The following CSMD1 variants were observed in gnomAD, a reference collection of about 807,000 sequenced individuals.
The protein encoded by CSMD1 is CUB and sushi domain-containing protein 1.
In CSMD1, 213 loss-of-function variants were observed where a neutral mutation model predicts 417.5. The observed-to-expected ratio is 0.51, with a 90% CI of 0.46 to 0.57. The LOEUF is 0.57. Among genes scored for constraint, CSMD1 ranks in the 20% least tolerant of loss-of-function variants. The probability of loss-of-function intolerance (pLI) is 0.00; values close to 1 mark genes in which losing one functional copy is unlikely to be tolerated. For synonymous variants in CSMD1, 2,862 were observed against 1,736.8 expected, an observed-to-expected ratio of 1.65 and a Z score of -16.11; for missense variants, 6,923 against 4,529.7, an observed-to-expected ratio of 1.53 and a Z score of -15.17.
At chr8:3,489,307 C>T (rs903036101) in intron 11 of CSMD1, among the ~76,000 whole-genome samples, 1 of 152,162 alleles carries the variant, frequency 6.6e-6, no homozygotes, top group Non-Finnish European at 1.5e-5. Flanking sequence ...GCAGAGGCTA[C>T]CCTACTTGCT....
In CSMD1 at chr8:4,190,247, C is replaced by T. The variant is rs181820450; in HGVS notation, c.416-158148G>A. 3.2e-4 allele frequency among the ~76,000 whole-genome samples: 42 copies of T among 133,244 alleles called. No homozygotes were observed. The East Asian group carries it at 5.8e-3, about 18-fold the overall frequency. The allele number at this position is 133,244 out of a possible 152,430, so 87.4% of individuals were successfully genotyped here. ...GCCCTCCAGCCTGGGCAACAAACTC[C>T]GTCTCCAAAAAAAAAAAAAAAAAAA... On this transcript the variant is annotated intron_variant, in intron 3 of 69. Coordinates refer to ENST00000635120, the MANE Select transcript of CSMD1 (RefSeq NM_033225.6).
At chr8:3,899,342 T>C (rs1355465491) in intron 5 of CSMD1, among the ~76,000 whole-genome samples, 1 of 152,128 alleles carries the variant, frequency 6.6e-6, no homozygotes, top group Non-Finnish European at 1.5e-5. Context: ...AGGTGTGAGT[T>C]TGCTGGACAG....
At chr8:3,277,930 T>G (rs192514580) in intron 26 of CSMD1, among the ~76,000 whole-genome samples, 142 of 152,276 alleles carry the variant, frequency 9.3e-4, no homozygotes, top group African/African-American at 3.2e-3. Context: ...TTGGTACACA[T>G]GAAAAGCTGA....
intron 10 of CSMD1, among the ~76,000 whole-genome samples, chr8:3,499,164 G>C (rs1029716327): frequency 3.3e-5 from 5 of 152,156 alleles, no homozygotes; most frequent in East Asian, 3.9e-4. Flanking sequence ...TTTTCCTGTA[G>C]ATGTGTCTCA....
At position 3,735,109 on chromosome 8, in the gene CSMD1, G is replaced by A. The variant is rs181675966; in HGVS notation, c.931+18821C>T. The stretch of plus-strand genomic sequence containing the variant: ...ACAACGATGTGAAACAGGTACATTT[G>A]CAAAATAACTCTTTTCAATCACCAG... On this transcript the variant is annotated intron_variant, in intron 6 of 69. Transcript: ENST00000635120. Among the ~76,000 whole-genome samples the A allele has an allele frequency of 9.2e-5, 14 of 152,292 alleles. No homozygotes were observed. The East Asian group carries it at 2.1e-3, about 23-fold the overall frequency.
intron 5 of CSMD1, among the ~76,000 whole-genome samples, chr8:3,871,223 T>A (rs576983577): frequency 1.7e-4 from 26 of 152,240 alleles, no homozygotes; most frequent in South Asian, 8.3e-4. Context: ...GGAACTATAT[T>A]AAAATTAGAG....
chr8:4,273,295 T>C lies in CSMD1; in HGVS notation c.415+146658A>G, dbSNP rs187568904. ...TCACAAATGAATGTGAGTATATGTA[T>C]ATAATTTTTCCAGTTTTATGTCAAA... On this transcript the variant is annotated intron_variant, in intron 3 of 69. Transcript: ENST00000635120. Among the ~76,000 whole-genome samples, 4 of 152,300 alleles carry C rather than the reference T, an allele frequency of 2.6e-5. No individual in the cohort carries two copies. The East Asian group carries it at 7.7e-4, about 29-fold the overall frequency.
At chr8:3,929,694 C>G (rs1374018525) in intron 5 of CSMD1, among the ~76,000 whole-genome samples, 1 of 148,886 alleles carries the variant, frequency 6.7e-6, no homozygotes, top group Non-Finnish European at 1.5e-5. Context: ...TGGAGTTTCA[C>G]TCTGTCTCCC....
At chr8:4,990,588 A>C (rs975462412) in intron 1 of CSMD1, among the ~76,000 whole-genome samples, 1 of 151,990 alleles carries the variant, frequency 6.6e-6, no homozygotes, top group Admixed American at 6.6e-5. Context: ...TGGTCTCCTG[A>C]CCTTTGATGA....
At chr8:3,489,960 T>A (rs550510422) in intron 11 of CSMD1, among the ~76,000 whole-genome samples, 1 of 152,242 alleles carries the variant, frequency 6.6e-6, no homozygotes, top group African/African-American at 2.4e-5. Context: ...GTATACTGAC[T>A]AGTATTTAAA....
intron 1 of CSMD1, among the ~76,000 whole-genome samples, chr8:4,960,113 G>C (rs1231607479): frequency 6.6e-6 from 1 of 152,112 alleles, no homozygotes; most frequent in Non-Finnish European, 1.5e-5. Flanking sequence ...ACATTTTTAG[G>C]AGGGATATAA....
intron 54 of CSMD1, among the ~76,000 whole-genome samples, chr8:2,991,433 A>G (rs553220582): frequency 1.3e-5 from 2 of 152,356 alleles, no homozygotes; most frequent in East Asian, 1.9e-4. Context: ...AAAAGTTTAT[A>G]TTCATCAAAA....
intron 2 of CSMD1, among the ~76,000 whole-genome samples, chr8:4,466,806 C>G (rs1800199962): frequency 6.6e-6 from 1 of 151,946 alleles, no homozygotes; most frequent in African/African-American, 2.4e-5. Flanking sequence ...AGAAAAATAA[C>G]AAGCCATTTA....
At chr8:4,469,298 C>G (rs578165261) in intron 2 of CSMD1, among the ~76,000 whole-genome samples, 1 of 152,286 alleles carries the variant, frequency 6.6e-6, no homozygotes, top group East Asian at 1.9e-4. Context: ...GTCAGTGGGA[C>G]TTTCTCATTC....
intron 25 of CSMD1, among the ~76,000 whole-genome samples, chr8:3,287,429 T>G (rs549093525): frequency 6.6e-6 from 1 of 152,088 alleles, no homozygotes; most frequent in East Asian, 1.9e-4. Context: ...TCTTCCTACC[T>G]ATGAGCATGG....
At chr8:4,373,833 A>C (rs1053521931) in intron 3 of CSMD1, among the ~76,000 whole-genome samples, 1 of 152,204 alleles carries the variant, frequency 6.6e-6, no homozygotes, top group Non-Finnish European at 1.5e-5. Context: ...GTACTAGCCA[A>C]AGGAGCTTTT....
At chr8:3,776,807 G>GATATATAT (rs151060171) in intron 5 of CSMD1, among the ~76,000 whole-genome samples, 35 of 139,990 alleles carry the variant, frequency 2.5e-4, no homozygotes, top group East Asian at 6.6e-4. Flanking sequence ...ATATAGACGA[G>GATATATAT]ATATATATAT....
intron 26 of CSMD1, among the ~76,000 whole-genome samples, chr8:3,256,661 A>G (rs1270083408): frequency 6.6e-6 from 1 of 152,170 alleles, no homozygotes; most frequent in Non-Finnish European, 1.5e-5. Flanking sequence ...AAGAACACCC[A>G]CACTTCCAGA....
chr8:4,645,685 G>T, intron 1 of CSMD1, among the ~76,000 whole-genome samples: 1 of 152,068 alleles, frequency 6.6e-6, no homozygotes, highest in Non-Finnish European at 1.5e-5. Context: ...GAAAAAAGAT[G>T]ATTATTGTCA....
Sources: allele counts gnomAD v4.1 joint callset (sites outside exome capture counted in the v4.1 genomes callset), GRCh38; gene constraint gnomAD v4.1.1; transcripts MANE v1.5; gene names NCBI Gene and HGNC (gene_info 2026-07-23, HGNC 2026-07-21).